Variants in TLE4 observed in about 807,000 individuals in gnomAD.
TLE4 encodes the protein TLE family member 4, transcriptional corepressor.
A neutral mutation model predicts 92.8 loss-of-function variants in TLE4; 8 were observed. The ratio of observed to expected loss-of-function variants is 0.09; its 90% CI spans 0.05 to 0.16. The LOEUF (loss-of-function observed/expected upper bound fraction) is 0.16, where lower values mean the gene tolerates loss of function less well. Ranked by LOEUF, TLE4 falls within the 10% of genes least tolerant of loss-of-function variation. The pLI is 1.00. For synonymous variants in TLE4, 371 were observed against 374.1 expected (o/e 0.99, Z 0.10); for missense variants, 675 against 997.6 (o/e 0.68, Z 4.36).
At chr9:79,707,615 G>C (rs1201437971) in intron 11 of TLE4, among the ~76,000 whole-genome samples, 1 of 152,228 alleles carries the variant, frequency 6.6e-6, no homozygotes, top group Non-Finnish European at 1.5e-5. Context: ...CGACGGGCTA[G>C]ATTGTTGGTG....
chr9:79,707,636 A>T (rs2072040185), intron 11 of TLE4, among the ~76,000 whole-genome samples: 1 of 152,182 alleles, frequency 6.6e-6, no homozygotes, highest in African/African-American at 2.4e-5. Context: ...TTGTTTTTTT[A>T]AATTTTATTT....
intron 4 of TLE4, among the ~76,000 whole-genome samples, chr9:79,589,413 T>C (rs2041996808): frequency 2.0e-5 from 3 of 152,054 alleles, no homozygotes; most frequent in Admixed American, 1.3e-4. Flanking sequence ...AATCTTCCTT[T>C]TCCTAAAGAA....
At chr9:79,617,184 A>C (rs2049849390) in intron 5 of TLE4, among the ~76,000 whole-genome samples, 1 of 152,216 alleles carries the variant, frequency 6.6e-6, no homozygotes, top group African/African-American at 2.4e-5. Flanking sequence ...TAGGCCTTGC[A>C]GCTCCAGTAG....
At chr9:79,652,307 C>T (rs951932256) in intron 6 of TLE4, among the ~76,000 whole-genome samples, 1 of 152,118 alleles carries the variant, frequency 6.6e-6, no homozygotes, top group African/African-American at 2.4e-5. Context: ...CTGCCTCAGC[C>T]TCCCCAGTAG....
At chr9:79,600,388 C>T (rs531694160) in intron 4 of TLE4, among the ~76,000 whole-genome samples, 39 of 152,130 alleles carry the variant, frequency 2.6e-4, no homozygotes, top group African/African-American at 8.9e-4. Context: ...CTCAGCCTGT[C>T]TCGGGTGGCT....
intron 8 of TLE4, among the ~76,000 whole-genome samples, chr9:79,693,356 ACT>A (rs1437449857): frequency 6.6e-6 from 1 of 151,130 alleles, no homozygotes; most frequent in East Asian, 1.9e-4. Flanking sequence ...TCTCCAGTCT[ACT>A]CTCTATTCTC....
At chr9:79,627,075 A>G (rs758594930) in intron 5 of TLE4, among the ~76,000 whole-genome samples, 4 of 152,186 alleles carry the variant, frequency 2.6e-5, no homozygotes, top group Non-Finnish European at 4.4e-5. Context: ...CTAATAGCAG[A>G]TGGGTGGTCC....
At chr9:79,613,885 T>C (rs2048920821) in intron 5 of TLE4, among the ~76,000 whole-genome samples, 1 of 152,152 alleles carries the variant, frequency 6.6e-6, no homozygotes, top group African/African-American at 2.4e-5. Context: ...GCACTCATAT[T>C]CACAAATCTT....
chr9:79,686,560 G>T lies in TLE4; in HGVS notation c.610-18223G>T, dbSNP rs895781245. On this transcript the variant is annotated intron_variant, in intron 8 of 19. Transcript: ENST00000376552. ...CCTTATAAGGAGAGAGAGGTTTGACGATACAGAGGAGGCACAGAAAGGAAG... is the reference window on the plus strand; with the variant it reads ...CCTTATAAGGAGAGAGAGGTTTGACTATACAGAGGAGGCACAGAAAGGAAG... Among the ~76,000 whole-genome samples, 5 of 152,266 alleles carry T rather than the reference G, an allele frequency of 3.3e-5. No homozygotes were observed. In the East Asian group the frequency reaches 9.7e-4, roughly 29 times the overall value.
chr9:79,589,046 C>G (rs1007649296), intron 4 of TLE4, among the ~76,000 whole-genome samples: 1 of 152,150 alleles, frequency 6.6e-6, no homozygotes, highest in African/African-American at 2.4e-5. Flanking sequence ...TGGGTAGAGT[C>G]TGGGATGCTG....
chr9:79,677,536 G>C (rs1235844266), intron 8 of TLE4, among the ~76,000 whole-genome samples: 2 of 151,622 alleles, frequency 1.3e-5, no homozygotes, highest in African/African-American at 2.4e-5. Context: ...ACAAGATGCC[G>C]TGGTAGAAAC....
At chr9:79,688,535 TA>T (rs1204196494) in intron 8 of TLE4, among the ~76,000 whole-genome samples, 2 of 152,038 alleles carry the variant, frequency 1.3e-5, no homozygotes, top group Non-Finnish European at 2.9e-5. Context: ...TTTAAGCTTG[TA>T]AATAGAAGTG....
Position 79,706,891 on chromosome 9 carries a change from C to G in TLE4, c.928C>G (p.Leu310Val). ...TACTCCCTCCTCCAAATCCAAAGAA[C>G]TTAGCCTTGTAAGCAGCTCCTTACC... ...SSTPSSKSKE[L>V]SLNEKSTTPV... is the part of the protein sequence containing the mutation. Residue 310 changes from leucine (L) to valine (V), a missense_variant, in exon 11 of 20, where the codon CTT becomes GTT. Coordinates refer to ENST00000376552, the MANE Select transcript of TLE4 (RefSeq NM_007005.6). The G allele has an allele frequency of 6.2e-7, 1 of 1,614,080 alleles. No homozygotes were observed. Among genetic ancestry groups the G allele is most frequent in the Non-Finnish European group, 8.5e-7 (1 of 1,179,978 alleles).
intron 16 of TLE4, among the ~76,000 whole-genome samples, chr9:79,720,828 G>A (rs1177678485): frequency 1.3e-5 from 2 of 152,190 alleles, no homozygotes; most frequent in Non-Finnish European, 2.9e-5. Context: ...TGTATTGGGT[G>A]CAACTCACTC....
chr9:79,605,087 G>T (rs1274891144), intron 4 of TLE4, among the ~76,000 whole-genome samples: 1 of 152,112 alleles, frequency 6.6e-6, no homozygotes, highest in Non-Finnish European at 1.5e-5. Context: ...GGCAAGGCTT[G>T]CTCTGACACA....
chr9:79,629,592 G>T (rs762665526), intron 6 of TLE4, among the ~76,000 whole-genome samples: 1 of 152,084 alleles, frequency 6.6e-6, no homozygotes. Flanking sequence ...CTATCAACGC[G>T]GCATATACTT....
intron 8 of TLE4, 43 bp from the exon 9 acceptor site, chr9:79,704,740 G>A: frequency 1.3e-6 from 2 of 1,588,668 alleles, no homozygotes; most frequent in South Asian, 1.2e-5. Context: ...CGGCTAAATA[G>A]ATGATAATTT....
intron 5 of TLE4, among the ~76,000 whole-genome samples, chr9:79,625,815 A>G (rs542927536): frequency 2.0e-5 from 3 of 151,578 alleles, no homozygotes; most frequent in South Asian, 2.1e-4. Context: ...TTTTTCTTCC[A>G]TGTTAGCAAA....
In TLE4 at chr9:79,706,829, C is replaced by G; in HGVS notation, c.866C>G (p.Ala289Gly). The change falls in exon 11 of 20, where the codon GCC becomes GGC. Residue 289 changes from alanine to glycine, a missense_variant. Transcript: ENST00000376552. The stretch of plus-strand genomic sequence containing the variant: ...AAGACACGCCTGCTCAAGAAAGATG[C>G]CCCGATTAGTCCAGCCTCTATTGCA... ...LDKTRLLKKD[A>G]PISPASIASS... The G allele has an allele frequency of 6.2e-7, 1 of 1,614,180 alleles. No homozygotes were observed. The highest frequency in any genetic ancestry group is 8.5e-7 in the Non-Finnish European group (1 of 1,180,042).
Sources: allele counts gnomAD v4.1 joint callset (sites outside exome capture counted in the v4.1 genomes callset), GRCh38; gene constraint gnomAD v4.1.1; transcripts MANE v1.5; gene names NCBI Gene and HGNC (gene_info 2026-07-23, HGNC 2026-07-21).